Variants in DCLK2 observed in about 807,000 individuals in gnomAD.
DCLK2 encodes the protein doublecortin like kinase 2.
Under a neutral mutation model 78.4 loss-of-function variants are expected in DCLK2, and 31 were observed. The ratio of observed to expected loss-of-function variants is 0.40; its 90% CI spans 0.30 to 0.53. The LOEUF is 0.53. DCLK2 is among the 20% of genes least tolerant of loss of function. DCLK2 has a pLI of 0.61. For synonymous variants in DCLK2, 407 were observed against 374.9 expected (o/e 1.09, Z -0.99); for missense variants, 872 against 973.7 (o/e 0.90, Z 1.39).
intron 2 of DCLK2, among the ~76,000 whole-genome samples, chr4:150,162,665 C>A (rs191739397): frequency 1.2e-4 from 18 of 152,020 alleles, no homozygotes; most frequent in African/African-American, 4.1e-4. Context: ...GAGATGCACT[C>A]TCACTCTGTG....
At chr4:150,186,176 C>T (rs1485601892) in intron 2 of DCLK2, among the ~76,000 whole-genome samples, 2 of 152,110 alleles carry the variant, frequency 1.3e-5, no homozygotes, top group South Asian at 2.1e-4. Context: ...TAAACTGATA[C>T]ACTTTTCCTC....
rs556175906 is a variant in DCLK2, at chr4:150,081,012, A to G, written c.421+1564A>G. Reference sequence around the variant, plus strand: ...GTTGCTTTTCTTAATCATGTTAAACACTTAAAAGCAATATTTGCCTAGCTA... The same window carrying G: ...GTTGCTTTTCTTAATCATGTTAAACGCTTAAAAGCAATATTTGCCTAGCTA... On this transcript the variant is annotated intron_variant, in intron 1 of 15. Transcript: ENST00000296550. 3.3e-5 allele frequency among the ~76,000 whole-genome samples: 5 copies of G among 152,306 alleles called. No homozygotes were observed. In the East Asian group the frequency reaches 5.8e-4, roughly 18 times the overall value.
chr4:150,166,756 CAA>C (rs34572463), intron 2 of DCLK2, among the ~76,000 whole-genome samples: 55,922 of 151,792 alleles, frequency 0.37, 10,650 homozygotes, highest in South Asian at 0.62. Flanking sequence ...TTTGTTCATG[CAA>C]TCTTTGTGCA....
At chr4:150,100,923 A>G (rs762554649) in intron 1 of DCLK2, among the ~76,000 whole-genome samples, 2 of 152,166 alleles carry the variant, frequency 1.3e-5, no homozygotes, top group Non-Finnish European at 1.5e-5. Flanking sequence ...TGCCCTAATT[A>G]TACCCTTAAA....
intron 2 of DCLK2, among the ~76,000 whole-genome samples, chr4:150,173,376 T>C (rs575799100): frequency 6.6e-6 from 1 of 152,272 alleles, no homozygotes; most frequent in South Asian, 2.1e-4. Context: ...TCTTGTGGTC[T>C]GGGTTGTTTG....
In DCLK2 at chr4:150,098,705, T is replaced by C. The variant is rs562445329; in HGVS notation, c.422-3773T>C. 7.3e-5 allele frequency among the ~76,000 whole-genome samples: 11 copies of C among 150,490 alleles called. No homozygotes were observed. In the South Asian group the frequency reaches 2.3e-3, roughly 32 times the overall value. ...GTGGGGTTTTTTCTTTTTCTTTTTTTTTTTTTTTTGGCAGAGTCTCATTCT... is the reference window on the plus strand; with the variant it reads ...GTGGGGTTTTTTCTTTTTCTTTTTTCTTTTTTTTTGGCAGAGTCTCATTCT... On this transcript the variant is annotated intron_variant, in intron 1 of 15. Transcript: ENST00000296550.
At chr4:150,234,642 G>A (rs572081218) in intron 10 of DCLK2, among the ~76,000 whole-genome samples, 4 of 151,980 alleles carry the variant, frequency 2.6e-5, no homozygotes, top group African/African-American at 9.6e-5. Flanking sequence ...TGATTTCTGA[G>A]TATCCATTTA....
intron 5 of DCLK2, among the ~76,000 whole-genome samples, chr4:150,216,425 G>T (rs1167131595): frequency 3.9e-5 from 6 of 152,196 alleles, no homozygotes; most frequent in Non-Finnish European, 8.8e-5. Flanking sequence ...ATCTCTTGAG[G>T]TCAGGAGTTC....
intron 9 of DCLK2, 95 bp from the exon 10 acceptor site, chr4:150,232,587 G>A: frequency 1.3e-6 from 2 of 1,525,808 alleles, no homozygotes; most frequent in Non-Finnish European, 1.8e-6. Flanking sequence ...AGTGGCACTT[G>A]TGTCATTCTC....
chr4:150,194,684 A>AG (rs978100760), intron 3 of DCLK2, among the ~76,000 whole-genome samples: 1 of 152,134 alleles, frequency 6.6e-6, no homozygotes, highest in Non-Finnish European at 1.5e-5. Context: ...TTCAGAGGAG[A>AG]GGGATCTTAG....
chr4:150,249,526 G>T (rs1463706962), intron 14 of DCLK2, 42 bp from the exon 15 acceptor site: 1 of 1,561,426 alleles, frequency 6.4e-7, no homozygotes, highest in Non-Finnish European at 8.8e-7. Context: ...TCAAACGGGA[G>T]GATGGAAAAA....
chr4:150,084,461 TA>T (rs1394437492), intron 1 of DCLK2, among the ~76,000 whole-genome samples: 1 of 152,238 alleles, frequency 6.6e-6, no homozygotes, highest in East Asian at 1.9e-4. Context: ...TCCCCTTCTA[TA>T]AATCTGGTTG....
chr4:150,084,858 T>G (rs1427501213), intron 1 of DCLK2, among the ~76,000 whole-genome samples: 2 of 152,182 alleles, frequency 1.3e-5, no homozygotes, highest in African/African-American at 2.4e-5. Context: ...TATCCCTTCC[T>G]GCCCATGCTA....
At chr4:150,143,268 C>T (rs545673610) in intron 2 of DCLK2, among the ~76,000 whole-genome samples, 1 of 152,000 alleles carries the variant, frequency 6.6e-6, no homozygotes, top group Non-Finnish European at 1.5e-5. Flanking sequence ...ATGTATATAT[C>T]ACATTGTCTT....
intron 2 of DCLK2, among the ~76,000 whole-genome samples, chr4:150,164,288 G>T (rs1735909589): frequency 6.6e-6 from 1 of 152,204 alleles, no homozygotes; most frequent in African/African-American, 2.4e-5. Flanking sequence ...TGATTAAGTG[G>T]TCTGGGTTGG....
intron 1 of DCLK2, among the ~76,000 whole-genome samples, chr4:150,086,672 A>G (rs1729672660): frequency 6.6e-6 from 1 of 151,840 alleles, no homozygotes; most frequent in South Asian, 2.1e-4. Flanking sequence ...ACGCCCTGCT[A>G]ATTTTTTGTA....
chr4:150,079,095 C>A lies in DCLK2; in HGVS notation c.68C>A (p.Ser23Ter). ...CGGGACAAAAGGCCGCGGCCGGGGT[C>A]GCGGAGAGGGGCCCCCAGCTCCTCC... ...EERDKRPRPG[S>*]RRGAPSSSGG... The change falls in exon 1 of 16, where the codon TCG becomes TAG. Residue 23 changes from serine to a stop codon, truncating the protein, a stop_gained. Transcript: ENST00000296550. LOFTEE classifies it high-confidence loss of function. 6.4e-7 allele frequency: 1 copy of A among 1,565,152 alleles called. No homozygotes were observed. Among genetic ancestry groups the A allele is most frequent in the Non-Finnish European group, 8.6e-7 (1 of 1,159,100 alleles).
chr4:150,208,850 T>C (rs1224319244), intron 5 of DCLK2, among the ~76,000 whole-genome samples: 13 of 152,176 alleles, frequency 8.5e-5, no homozygotes, highest in Admixed American at 8.5e-4. Flanking sequence ...TTAGCGTTTT[T>C]GGTTTTCTTT....
At chr4:150,234,843 A>T (rs574581633) in intron 10 of DCLK2, among the ~76,000 whole-genome samples, 4 of 152,074 alleles carry the variant, frequency 2.6e-5, no homozygotes, top group Middle Eastern at 3.4e-3. Flanking sequence ...TCAGGAGGAA[A>T]GTTAGGATAT....
Sources: gnomAD v4.1 joint callset for allele counts (sites outside exome capture counted in the v4.1 genomes callset) on GRCh38, gnomAD v4.1.1 for gene constraint, MANE v1.5 for transcripts, NCBI Gene and HGNC (gene_info 2026-07-23, HGNC 2026-07-21) for gene names.